FHIT: variants seen among roughly 807,000 people sequenced by gnomAD.
The protein encoded by FHIT is bis(5'-adenosyl)-triphosphatase.
Under a neutral mutation model 17.9 loss-of-function variants are expected in FHIT, and 19 were observed. The ratio of observed to expected loss-of-function variants is 1.06; its 90% CI spans 0.74 to 1.56. The LOEUF (loss-of-function observed/expected upper bound fraction) is 1.56. Among genes scored for constraint, FHIT ranks in the 40% most tolerant of loss-of-function variants. The pLI, the probability that FHIT is intolerant of heterozygous loss-of-function variation, is 0.00. For missense variants in FHIT, 248 were observed against 189.2 expected, an observed-to-expected ratio of 1.31 and a Z score of -1.82; for synonymous variants, 81 against 69.7, an observed-to-expected ratio of 1.16 and a Z score of -0.81.
intron 5 of FHIT, among the ~76,000 whole-genome samples, chr3:60,433,175 C>G (rs1311960101): frequency 6.6e-6 from 1 of 152,038 alleles, no homozygotes; most frequent in African/African-American, 2.4e-5. Flanking sequence ...GAATCATGCA[C>G]TTCTGTGACT....
rs370061006 is a variant in FHIT at position 60,138,900 on chromosome 3, A to G, written c.104-124748T>C. On this transcript the variant is annotated intron_variant, in intron 5 of 9. Transcript: ENST00000492590. Reference sequence around the variant, plus strand: ...ATGGATCAGAAAGCTGCTGTCACCAACACAGCCTTTGACTTTATAGGAAAG... The same window carrying G: ...ATGGATCAGAAAGCTGCTGTCACCAGCACAGCCTTTGACTTTATAGGAAAG... Among the ~76,000 whole-genome samples the G allele has an allele frequency of 2.6e-5, 4 of 152,248 alleles. No homozygotes were observed. The South Asian group carries it at 8.3e-4, about 32-fold the overall frequency.
At chr3:61,095,334 C>A (rs2035605418) in intron 2 of FHIT, among the ~76,000 whole-genome samples, 1 of 152,148 alleles carries the variant, frequency 6.6e-6, no homozygotes, top group South Asian at 2.1e-4. Context: ...CCCAGGGCCC[C>A]CTCTGGGATT....
chr3:59,782,998 A>G (rs1206091326), intron 8 of FHIT, among the ~76,000 whole-genome samples: 1 of 152,014 alleles, frequency 6.6e-6, no homozygotes, highest in Non-Finnish European at 1.5e-5. Flanking sequence ...AAGTCACCTC[A>G]AAGTCTCTGC....
intron 5 of FHIT, among the ~76,000 whole-genome samples, chr3:60,296,687 G>T (rs1419851871): frequency 6.6e-6 from 1 of 151,728 alleles, no homozygotes; most frequent in African/African-American, 2.4e-5. Context: ...TCCTTTTATG[G>T]CTCATGCATT....
At chr3:59,958,565 T>C (rs1385841193) in intron 7 of FHIT, among the ~76,000 whole-genome samples, 1 of 152,150 alleles carries the variant, frequency 6.6e-6, no homozygotes, top group African/African-American at 2.4e-5. Context: ...GAACAGCAAA[T>C]AGGTTTTTAC....
intron 5 of FHIT, among the ~76,000 whole-genome samples, chr3:60,517,419 C>T (rs529343335): frequency 1.4e-5 from 2 of 138,154 alleles, no homozygotes; most frequent in African/African-American, 5.6e-5. Context: ...TAGATAGCAT[C>T]GGAATCATAG....
chr3:59,890,077 A>T (rs1703790192), intron 8 of FHIT, among the ~76,000 whole-genome samples: 1 of 152,222 alleles, frequency 6.6e-6, no homozygotes, highest in African/African-American at 2.4e-5. Context: ...ACAAGTTAAC[A>T]GCACTGTCAT....
chr3:60,337,269 G>C (rs995825393), intron 5 of FHIT, among the ~76,000 whole-genome samples: 27 of 152,014 alleles, frequency 1.8e-4, no homozygotes, highest in African/African-American at 6.0e-4. Flanking sequence ...CCACTAGGAA[G>C]ACATGAAGTT....
intron 2 of FHIT, among the ~76,000 whole-genome samples, chr3:61,083,493 G>C (rs554054373): frequency 6.6e-6 from 1 of 152,342 alleles, no homozygotes; most frequent in Non-Finnish European, 1.5e-5. Flanking sequence ...GGGAGGCTGA[G>C]GCAGGAGAAT....
chr3:60,974,461 T>C (rs1710153410), intron 3 of FHIT, among the ~76,000 whole-genome samples: 1 of 152,166 alleles, frequency 6.6e-6, no homozygotes, highest in African/African-American at 2.4e-5. Flanking sequence ...GGTAAAGGGA[T>C]AGAATGAAAG....
intron 5 of FHIT, among the ~76,000 whole-genome samples, chr3:60,201,086 A>G (rs1702881578): frequency 6.6e-6 from 1 of 152,132 alleles, no homozygotes; most frequent in South Asian, 2.1e-4. Context: ...GTCCAATTTA[A>G]AGAGACCATA....
rs1700734945 is a variant in FHIT at position 59,748,920 on chromosome 3, C to T, written c.*665G>A. On this transcript the variant is annotated 3_prime_UTR_variant, in exon 10 of 10. Transcript: ENST00000492590. ...TATCAATTCCAGGGCTGAGCCCTATCATGTCTGCCTCTGTGCATGTTGAGA... is the reference window on the plus strand; with the variant it reads ...TATCAATTCCAGGGCTGAGCCCTATTATGTCTGCCTCTGTGCATGTTGAGA... Among the ~76,000 whole-genome samples the T allele has an allele frequency of 6.6e-6, 1 of 152,166 alleles. No individual in the cohort carries two copies. Among genetic ancestry groups the T allele is most frequent in the Admixed American group, 6.5e-5 (1 of 15,270 alleles).
chr3:60,943,207 A>G (rs1444859883), intron 3 of FHIT, among the ~76,000 whole-genome samples: 4 of 152,100 alleles, frequency 2.6e-5, no homozygotes, highest in Non-Finnish European at 5.9e-5. Flanking sequence ...AAAATGGTTA[A>G]AACTCTCAGA....
At chr3:60,409,440 G>T (rs1461392230) in intron 5 of FHIT, among the ~76,000 whole-genome samples, 3 of 152,208 alleles carry the variant, frequency 2.0e-5, no homozygotes, top group African/African-American at 7.2e-5. Flanking sequence ...AGCTGGCAAT[G>T]ATCTATCGCA....
intron 5 of FHIT, among the ~76,000 whole-genome samples, chr3:60,416,708 C>T (rs1027965008): frequency 6.6e-6 from 1 of 152,108 alleles, no homozygotes; most frequent in Non-Finnish European, 1.5e-5. Flanking sequence ...TAGCAGCTAG[C>T]TGTAGTTATT....
intron 5 of FHIT, among the ~76,000 whole-genome samples, chr3:60,102,866 G>A (rs1030888001): frequency 4.6e-5 from 7 of 152,076 alleles, no homozygotes; most frequent in Admixed American, 1.3e-4. Flanking sequence ...CACAAGTCCC[G>A]TGTCTGATAA....
intron 5 of FHIT, among the ~76,000 whole-genome samples, chr3:60,503,255 T>C (rs1171011812): frequency 2.0e-4 from 31 of 152,344 alleles, no homozygotes; most frequent in Non-Finnish European, 3.1e-4. Context: ...ACTTATAAAA[T>C]TAGCATATAT....
chr3:59,987,054 TAA>T (rs368933979), intron 7 of FHIT, among the ~76,000 whole-genome samples: 1 of 134,642 alleles, frequency 7.4e-6, no homozygotes, highest in Admixed American at 7.8e-5. Context: ...TATAAAAATA[TAA>T]AATATATCTA....
At chr3:61,084,895 T>C (rs2035257912) in intron 2 of FHIT, among the ~76,000 whole-genome samples, 1 of 152,188 alleles carries the variant, frequency 6.6e-6, no homozygotes, top group African/African-American at 2.4e-5. Context: ...AAAAATTGAA[T>C]CATACACTAT....
Sources: allele counts gnomAD v4.1 joint callset (sites outside exome capture counted in the v4.1 genomes callset), GRCh38; gene constraint gnomAD v4.1.1; transcripts MANE v1.5; gene names NCBI Gene and HGNC (gene_info 2026-07-23, HGNC 2026-07-21).